UNC79: variants seen among roughly 807,000 people sequenced by gnomAD.
UNC79 encodes unc-79 subunit of NALCN channel complex, also known as protein unc-79 homolog.
In UNC79, 37 loss-of-function variants were observed where a neutral mutation model predicts 283.1. The observed-to-expected ratio is 0.13, with a 90% confidence interval of 0.10 to 0.17. The LOEUF is 0.17. Among genes scored for constraint, UNC79 ranks in the 10% least tolerant of loss-of-function variants. UNC79 has a pLI of 1.00. For synonymous variants in UNC79, 1,107 were observed against 1,200.2 expected, an observed-to-expected ratio of 0.92 and a Z score of 1.61; for missense variants, 2,272 against 3,211.1, an observed-to-expected ratio of 0.71 and a Z score of 7.07.
At chr14:93,549,013 A>G (rs1219643052) in intron 14 of UNC79, among the ~76,000 whole-genome samples, 1 of 152,196 alleles carries the variant, frequency 6.6e-6, no homozygotes, top group African/African-American at 2.4e-5. Flanking sequence ...TGATTCCCCA[A>G]TGTGGCAAAA....
chr14:93,523,069 T>A (rs970341937), intron 7 of UNC79, among the ~76,000 whole-genome samples: 1 of 152,204 alleles, frequency 6.6e-6, no homozygotes, highest in Admixed American at 6.5e-5. Flanking sequence ...TCCTGTGAGT[T>A]TAAAATATGA....
chr14:93,459,367 G>A (rs1189131469), intron 1 of UNC79, among the ~76,000 whole-genome samples: 1 of 152,160 alleles, frequency 6.6e-6, no homozygotes, highest in Non-Finnish European at 1.5e-5. Context: ...GTTTTGTTTT[G>A]TATTTTCTAA....
chr14:93,705,604 C>T lies in UNC79; in HGVS notation c.7590+938C>T, dbSNP rs140782278. On this transcript the variant is annotated intron_variant, in intron 48 of 48. Transcript: ENST00000555664. ...GCCCCACAGCCTAAAAGAGGAGATCCCGCCTGAATATGTTTCCCAGCCCCA... is the reference window on the plus strand; with the variant it reads ...GCCCCACAGCCTAAAAGAGGAGATCTCGCCTGAATATGTTTCCCAGCCCCA... Among the ~76,000 whole-genome samples the T allele has an allele frequency of 1.7e-3, 256 of 152,304 alleles. 4 individuals are homozygous for T. In the East Asian group the frequency reaches 0.032, roughly 19 times the overall value.
At chr14:93,665,427 A>G (rs2072082279) in intron 40 of UNC79, among the ~76,000 whole-genome samples, 1 of 151,862 alleles carries the variant, frequency 6.6e-6, no homozygotes, top group South Asian at 2.1e-4. Context: ...ATATAAAGAG[A>G]AATTCTAACA....
At chr14:93,414,543 G>GT (rs2055410730) in intron 1 of UNC79, among the ~76,000 whole-genome samples, 1 of 152,102 alleles carries the variant, frequency 6.6e-6, no homozygotes, top group Non-Finnish European at 1.5e-5. Context: ...CTTTAAAGTG[G>GT]TTTTTTTCCA....
At chr14:93,643,559 G>A (rs1359399768) in exon 34 of UNC79, 1 of 1,613,880 alleles carries the variant, frequency 6.2e-7, no homozygotes, top group South Asian at 1.1e-5. Flanking sequence ...CTTTGCAGAT[G>A]CCATGACTGT....
intron 35 of UNC79, among the ~76,000 whole-genome samples, chr14:93,647,521 C>A (rs1016036784): frequency 1.3e-5 from 2 of 152,058 alleles, no homozygotes; most frequent in East Asian, 3.9e-4. Flanking sequence ...ACATTCCAGG[C>A]AGAGGGAGCA....
At chr14:93,634,754 T>C (rs1256395307) in intron 31 of UNC79, 117 bp downstream of exon 34, 2 of 1,038,894 alleles carry the variant, frequency 1.9e-6, no homozygotes, top group African/African-American at 3.2e-5. Context: ...TTGGTTCAGG[T>C]AATTTTTCAA....
Position 93,558,242 on chromosome 14 carries a change from C to G in UNC79, c.1756-13652C>G, listed in dbSNP as rs538978743. The stretch of plus-strand genomic sequence containing the variant: ...TCGCTACAACCTAAGACTAGTTTCC[C>G]ACATCTTTTTTCTCATTAATCAAAA... On this transcript the variant is annotated intron_variant, in intron 14 of 48. Coordinates refer to ENST00000555664, the Ensembl canonical transcript of UNC79. Among the ~76,000 whole-genome samples, 6 of 152,260 alleles carry G rather than the reference C, an allele frequency of 3.9e-5. No individual in the cohort carries two copies. In the East Asian group the frequency reaches 1.2e-3, roughly 29 times the overall value.
At chr14:93,541,362 G>A (rs907932945) in intron 13 of UNC79, among the ~76,000 whole-genome samples, 12 of 152,178 alleles carry the variant, frequency 7.9e-5, no homozygotes, top group Admixed American at 3.9e-4. Context: ...CATCTATTCA[G>A]TAGAGATCAA....
intron 22 of UNC79, among the ~76,000 whole-genome samples, chr14:93,593,268 T>A (rs1260714788): frequency 1.3e-5 from 2 of 152,156 alleles, no homozygotes; most frequent in Non-Finnish European, 2.9e-5. Context: ...GAAAAAGAGT[T>A]GTTCTTTGAC....
chr14:93,662,887 C>A (rs1040048949), intron 40 of UNC79, among the ~76,000 whole-genome samples, 173 bp downstream of exon 43: 1 of 152,054 alleles, frequency 6.6e-6, no homozygotes, highest in Non-Finnish European at 1.5e-5. Flanking sequence ...AACACACACA[C>A]ACACACACAC....
At chr14:93,591,778 G>A (rs1042457327) in intron 22 of UNC79, among the ~76,000 whole-genome samples, 1 of 152,166 alleles carries the variant, frequency 6.6e-6, no homozygotes, top group Non-Finnish European at 1.5e-5. Flanking sequence ...CATGGTTTAC[G>A]GTATTGCACT....
At chr14:93,429,293 C>G (rs954526338), upstream of UNC79, among the ~76,000 whole-genome samples, 3 of 152,224 alleles carry the variant, frequency 2.0e-5, no homozygotes, top group Non-Finnish European at 4.4e-5. Context: ...AATGGAACTT[C>G]TCTTTGGGAT....
chr14:93,576,721 G>C (rs1162812575), intron 17 of UNC79, among the ~76,000 whole-genome samples: 1 of 152,114 alleles, frequency 6.6e-6, no homozygotes, highest in Admixed American at 6.5e-5. Context: ...CTGTAAGAAA[G>C]GGCTGGTTGG....
intron 7 of UNC79, among the ~76,000 whole-genome samples, chr14:93,505,391 C>T (rs1461764300): frequency 1.3e-5 from 2 of 152,068 alleles, no homozygotes; most frequent in Non-Finnish European, 1.5e-5. Context: ...CTAATTGAAA[C>T]TTTTACCATT....
At chr14:93,348,561 T>A (rs2038356640) in intron 1 of UNC79, among the ~76,000 whole-genome samples, 1 of 152,222 alleles carries the variant, frequency 6.6e-6, no homozygotes, top group Non-Finnish European at 1.5e-5. Context: ...GTTCTATTAG[T>A]ACTGCCATGC....
At chr14:93,657,584 C>T (rs929849826) in intron 38 of UNC79, among the ~76,000 whole-genome samples, 2 of 152,122 alleles carry the variant, frequency 1.3e-5, no homozygotes, top group African/African-American at 4.8e-5. Flanking sequence ...ATCTCCTGAC[C>T]TTGTGGTCCT....
chr14:93,655,935 A>G (rs1174837959), intron 38 of UNC79, among the ~76,000 whole-genome samples: 1 of 152,224 alleles, frequency 6.6e-6, no homozygotes, highest in Non-Finnish European at 1.5e-5. Context: ...GATCATTGAC[A>G]ACATGAGCTC....
Sources: allele counts gnomAD v4.1 joint callset (sites outside exome capture counted in the v4.1 genomes callset), GRCh38; gene constraint gnomAD v4.1.1; transcripts MANE v1.5; gene names NCBI Gene and HGNC (gene_info 2026-07-23, HGNC 2026-07-21).